Variants in RSF1 observed in about 807,000 individuals in gnomAD.
RSF1 encodes HBV pX-associated protein 8.
A neutral mutation model predicts 145.2 loss-of-function variants in RSF1; 13 were observed. The observed-to-expected ratio is 0.09, with a 90% confidence interval of 0.06 to 0.14. RSF1 has a LOEUF of 0.14. RSF1 is among the 10% of genes least tolerant of loss of function. The probability of loss-of-function intolerance (pLI) is 1.00; values close to 1 mark genes in which losing one functional copy is unlikely to be tolerated. For synonymous variants in RSF1, 577 were observed against 592.6 expected (o/e 0.97, Z 0.38); for missense variants, 1,517 against 1,718.2 (o/e 0.88, Z 2.07).
At chr11:77,694,470 ATTTGAG>A (rs1960235360) in intron 7 of RSF1, among the ~76,000 whole-genome samples, 1 of 152,216 alleles carries the variant, frequency 6.6e-6, no homozygotes. Flanking sequence ...TTTTATCGGT[ATTTGAG>A]TTTAAGAGGA....
chr11:77,842,979 T>A, the RSF1 span, among the ~76,000 whole-genome samples: 2 of 152,228 alleles, frequency 1.3e-5, no homozygotes, highest in African/African-American at 4.8e-5. Flanking sequence ...TCTGTTGTTA[T>A]AGATATGCCT....
chr11:77,814,549 G>A (rs767543460), intron 1 of RSF1, among the ~76,000 whole-genome samples: 9 of 152,018 alleles, frequency 5.9e-5, no homozygotes, highest in Non-Finnish European at 8.8e-5. Flanking sequence ...AGGTTCAAGC[G>A]ATTCTCCTGC....
At chr11:77,735,514 T>C (rs1961326471) in intron 4 of RSF1, among the ~76,000 whole-genome samples, 1 of 152,186 alleles carries the variant, frequency 6.6e-6, no homozygotes, top group Non-Finnish European at 1.5e-5. Flanking sequence ...TATAATCCTC[T>C]TTTAAGAATT....
At chr11:77,753,148 TAA>T in intron 2 of RSF1, among the ~76,000 whole-genome samples, 1 of 152,258 alleles carries the variant, frequency 6.6e-6, no homozygotes, top group Non-Finnish European at 1.5e-5. Context: ...CTTTATTTCT[TAA>T]TAAACTTGCT....
At chr11:77,775,351 A>C (rs1310924463) in intron 1 of RSF1, among the ~76,000 whole-genome samples, 1 of 152,156 alleles carries the variant, frequency 6.6e-6, no homozygotes, top group African/African-American at 2.4e-5. Context: ...GTGATACAGA[A>C]GAGATGAAAA....
intron 5 of RSF1, among the ~76,000 whole-genome samples, chr11:77,711,113 A>AC (rs893995601): frequency 2.1e-5 from 3 of 140,354 alleles, no homozygotes; most frequent in South Asian, 2.3e-4. Flanking sequence ...ACACATAGAC[A>AC]CCCCCCCTGA....
intron 9 of RSF1, chr11:77,690,891 A>T (rs1227973309): frequency 2.2e-6 from 1 of 460,794 alleles, no homozygotes; most frequent in Non-Finnish European, 3.8e-6. Context: ...GGTTGCGTTC[A>T]ATAAAACTTT....
chr11:77,680,831 T>A (rs1268087202), intron 11 of RSF1, among the ~76,000 whole-genome samples: 2 of 152,216 alleles, frequency 1.3e-5, no homozygotes, highest in Non-Finnish European at 2.9e-5. Context: ...ACTCAGCACA[T>A]CCATTCACTA....
At chr11:77,751,890 G>A (rs1212531223) in intron 2 of RSF1, among the ~76,000 whole-genome samples, 2 of 152,182 alleles carry the variant, frequency 1.3e-5, no homozygotes, top group East Asian at 3.8e-4. Context: ...TCTTTCACAA[G>A]AGGAATCCTT....
chr11:77,705,304 C>G (rs1361223292), intron 5 of RSF1, among the ~76,000 whole-genome samples: 1 of 152,160 alleles, frequency 6.6e-6, no homozygotes, highest in Non-Finnish European at 1.5e-5. Flanking sequence ...GAAAAATTCA[C>G]TCCAAAAATT....
rs202120401 is a variant in RSF1 at position 77,667,326 on chromosome 11, T to A, written c.3917A>T (p.Asp1306Val). The change falls in exon 16 of 16, where the codon GAT becomes GTT. Residue 1306 changes from aspartate to valine, a missense_variant. Around this residue, in one of 12 missense-constraint regions of RSF1, gnomAD observed 240 missense variants for 231.8 expected, o/e 1.04. Coordinates refer to ENST00000308488, the MANE Select transcript of RSF1 (RefSeq NM_016578.4). ...SRKRLHRIETDEEESCDNAHG... is the reference protein window; with the variant it reads ...SRKRLHRIETVEEESCDNAHG... Reference sequence around the variant, plus strand: ...AGCATTGTCACAACTCTCCTCCTCATCCGTCTCAATCCGGTGTAGCCGTTT... The same window carrying A: ...AGCATTGTCACAACTCTCCTCCTCAACCGTCTCAATCCGGTGTAGCCGTTT... 1 of 1,614,040 alleles carries A rather than the reference T, an allele frequency of 6.2e-7. No individual in the cohort carries two copies. Among genetic ancestry groups the A allele is most frequent in the African/African-American group, 1.3e-5 (1 of 75,034 alleles).
chr11:77,696,799 T>G (rs1223436320), intron 7 of RSF1, among the ~76,000 whole-genome samples: 4 of 152,200 alleles, frequency 2.6e-5, no homozygotes, highest in Non-Finnish European at 5.9e-5. Flanking sequence ...ATAAAATACT[T>G]AGAGGGATCT....
chr11:77,776,864 C>T (rs560017661), intron 1 of RSF1, among the ~76,000 whole-genome samples: 4 of 152,230 alleles, frequency 2.6e-5, no homozygotes, highest in Admixed American at 2.0e-4. Context: ...TGAACATTTG[C>T]AAACTGGTAA....
chr11:77,841,032 G>T, the RSF1 span: 1 of 565,338 alleles, frequency 1.8e-6, no homozygotes, highest in Non-Finnish European at 3.2e-6. Context: ...TGGAGGCTGG[G>T]AAGTCCAAGA....
chr11:77,685,299 T>A (rs965809169), intron 9 of RSF1, 140 bp from the exon 10 acceptor site: 1 of 442,914 alleles, frequency 2.3e-6, no homozygotes, highest in Non-Finnish European at 4.0e-6. Flanking sequence ...TAGCTATTAT[T>A]TATTTATTTA....
chr11:77,718,455 A>G (rs1156923271), intron 5 of RSF1: 1 of 152,216 alleles, frequency 6.6e-6, no homozygotes, highest in Non-Finnish European at 1.5e-5. Flanking sequence ...TTTTACGTTA[A>G]CCATCATAGT....
intron 1 of RSF1, among the ~76,000 whole-genome samples, 162 bp downstream of exon 1, chr11:77,820,366 C>A (rs556849539): frequency 7.5e-4 from 114 of 152,254 alleles, no homozygotes; most frequent in Non-Finnish European, 1.5e-3. Context: ...TGCCCAAGAC[C>A]CCGGGGGCTG....
At chr11:77,856,888 T>C in the RSF1 span, among the ~76,000 whole-genome samples, 21 of 152,336 alleles carry the variant, frequency 1.4e-4, no homozygotes, top group Middle Eastern at 3.4e-3. Context: ...TTTCATTCTT[T>C]ACTGAAGTCA....
intron 5 of RSF1, among the ~76,000 whole-genome samples, chr11:77,722,536 A>C (rs1960964871): frequency 6.6e-6 from 1 of 152,190 alleles, no homozygotes; most frequent in Non-Finnish European, 1.5e-5. Context: ...AAGTTTGAGA[A>C]GTACTACTCT....
Sources: gnomAD v4.1 joint callset for allele counts (sites outside exome capture counted in the v4.1 genomes callset) on GRCh38, gnomAD v4.1.1 for gene constraint, gnomAD v4.1.1 regional missense constraint, MANE v1.5 for transcripts, NCBI Gene and HGNC (gene_info 2026-07-23, HGNC 2026-07-21) for gene names.